LVRN: variants seen among roughly 807,000 people sequenced by gnomAD.
LVRN encodes aminopeptidase Q.
In LVRN, 99 loss-of-function variants were observed where a neutral mutation model predicts 111.4. The observed-to-expected ratio is 0.89, with a 90% CI of 0.76 to 1.05. The LOEUF (loss-of-function observed/expected upper bound fraction) is 1.05. Among genes scored for constraint, LVRN ranks in the 50% least tolerant of loss-of-function variants. The pLI, the probability that LVRN is intolerant of heterozygous loss-of-function variation, is 0.00. For missense variants in LVRN, 1,414 were observed against 1,206.8 expected (o/e 1.17, Z -2.54); for synonymous variants, 488 against 449.5 (o/e 1.09, Z -1.08).
intron 18 of LVRN, among the ~76,000 whole-genome samples, chr5:116,017,140 A>G (rs564409382): frequency 1.3e-5 from 2 of 152,276 alleles, no homozygotes; most frequent in East Asian, 3.9e-4. Context: ...TCCTCCTTCT[A>G]CCTGGAGGAC....
intron 18 of LVRN, among the ~76,000 whole-genome samples, chr5:116,016,067 T>C (rs1434300076): frequency 6.6e-6 from 1 of 152,260 alleles, no homozygotes; most frequent in African/African-American, 2.4e-5. Flanking sequence ...AGTTCACTTT[T>C]CTTGCAATTC....
chr5:116,022,486 T>C lies in LVRN; in HGVS notation c.2832+20T>C. 6.8e-7 allele frequency: 1 copy of C among 1,475,352 alleles called. No homozygotes were observed. Among genetic ancestry groups the C allele is most frequent in the Non-Finnish European group, 9.3e-7 (1 of 1,079,236 alleles). 91.4% of individuals were successfully genotyped at this position (1,475,352 alleles called of 1,614,324 possible). A position where few individuals can be genotyped will look rare whatever the true frequency, so the allele number is the denominator to read the frequency against. ...GTGGAGGTAAGTACTTTAAATATTATGAAATACAATGATAATTTGGAAACC... is the reference window on the plus strand; with the variant it reads ...GTGGAGGTAAGTACTTTAAATATTACGAAATACAATGATAATTTGGAAACC... On this transcript the variant is annotated intron_variant, in intron 19 of 19. Coordinates refer to ENST00000357872, the MANE Select transcript of LVRN (RefSeq NM_173800.5).
At chr5:115,989,636 G>A (rs1397861071) in intron 4 of LVRN, among the ~76,000 whole-genome samples, 1 of 152,126 alleles carries the variant, frequency 6.6e-6, no homozygotes, top group Non-Finnish European at 1.5e-5. Flanking sequence ...TTGTGGGATG[G>A]AGGAAATAAA....
chr5:116,010,401 C>A (rs758179496), intron 13 of LVRN: 6 of 371,156 alleles, frequency 1.6e-5, no homozygotes, highest in Non-Finnish European at 3.2e-5. Flanking sequence ...TAGAGAATGA[C>A]TTCTAATTAA....
chr5:115,984,724 T>C lies in LVRN; in HGVS notation c.978+15T>C. 5 of 1,613,056 alleles carry C rather than the reference T, an allele frequency of 3.1e-6. No individual in the cohort carries two copies. The highest frequency in any genetic ancestry group is 4.2e-6 in the Non-Finnish European group (5 of 1,179,488). ...GGGGCAAGGAGGTGAGTGAGGAAGATTCTGTAGGTAAGGGAGATTGTACTG... is the reference window on the plus strand; with the variant it reads ...GGGGCAAGGAGGTGAGTGAGGAAGACTCTGTAGGTAAGGGAGATTGTACTG... On this transcript the variant is annotated intron_variant, in intron 3 of 19. Transcript: ENST00000357872.
rs759467344 is a variant in LVRN, at chr5:116,025,902, A to G, written c.2833-76A>G. On this transcript the variant is annotated intron_variant, in intron 19 of 19. Coordinates refer to ENST00000357872, the MANE Select transcript of LVRN (RefSeq NM_173800.5). ...CACCAATTTACAAACTCATGTTGCT[A>G]CTTAGCATTTAGACATTTACTTTGT... 2.3e-4 allele frequency: 365 copies of G among 1,567,058 alleles called. 1 individual carries two copies. The highest frequency in any genetic ancestry group is 2.9e-4 in the Non-Finnish European group (339 of 1,155,348).
chr5:115,975,312 C>T, intron 1 of LVRN: 1 of 320,480 alleles, frequency 3.1e-6, no homozygotes, highest in South Asian at 3.4e-5. Flanking sequence ...TATTCATTTG[C>T]AGATCATCCA....
intron 14 of LVRN, among the ~76,000 whole-genome samples, chr5:116,011,368 C>G (rs115561226): frequency 0.018 from 2,649 of 151,328 alleles, 34 homozygotes; most frequent in Non-Finnish European, 0.027. Context: ...TTTGAAGATG[C>G]TTTTGATATT....
intron 12 of LVRN, among the ~76,000 whole-genome samples, chr5:116,005,331 A>G (rs7717144): frequency 0.43 from 64,829 of 152,054 alleles, 15,035 homozygotes; most frequent in African/African-American, 0.61. Flanking sequence ...TGACAGCAGA[A>G]TCCTGTGGCC....
chr5:115,975,255 T>A, intron 1 of LVRN: 1 of 434,318 alleles, frequency 2.3e-6, no homozygotes, highest in South Asian at 1.9e-5. Flanking sequence ...GCATATTGTC[T>A]GCTTTATCTA....
chr5:115,978,140 TA>T (rs1342476952), intron 1 of LVRN, among the ~76,000 whole-genome samples: 3 of 152,142 alleles, frequency 2.0e-5, no homozygotes. Flanking sequence ...GTGATTAGGG[TA>T]TGACACACAA....
intron 1 of LVRN, among the ~76,000 whole-genome samples, chr5:115,980,526 GT>G (rs1278714035): frequency 6.6e-6 from 1 of 152,102 alleles, no homozygotes; most frequent in Non-Finnish European, 1.5e-5. Flanking sequence ...TGCTGAAGTG[GT>G]GACTCTTTAA....
rs1270590338 is a variant in LVRN, at chr5:116,025,382, A to G, written c.2833-596A>G. 2.6e-5 allele frequency among the ~76,000 whole-genome samples: 4 copies of G among 152,316 alleles called. No individual in the cohort carries two copies. In the South Asian group the frequency reaches 8.3e-4, roughly 32 times the overall value. On this transcript the variant is annotated intron_variant, in intron 19 of 19. Transcript: ENST00000357872. The stretch of plus-strand genomic sequence containing the variant: ...ACAAAAAGAGACTCGGTAAAATGAA[A>G]ATTGAAAAAACTTATAACTTATTTA...
At chr5:115,982,494 G>C (rs6594926) in intron 1 of LVRN, among the ~76,000 whole-genome samples, 11,049 of 152,172 alleles carry the variant, frequency 0.073, 509 homozygotes, top group African/African-American at 0.13. Context: ...TTGGCAAATG[G>C]GATAATGAGA....
At chr5:116,007,621 T>C (rs12654640) in intron 13 of LVRN, among the ~76,000 whole-genome samples, 17,394 of 152,228 alleles carry the variant, frequency 0.11, 1,126 homozygotes, top group East Asian at 0.31. Context: ...CATCTCTTCA[T>C]TGAAGCTCCT....
chr5:115,967,266 G>A (rs982583351), intron 1 of LVRN, among the ~76,000 whole-genome samples: 7 of 152,252 alleles, frequency 4.6e-5, no homozygotes, highest in South Asian at 4.1e-4. Context: ...GTTGTCTTCC[G>A]AAAGTGTTTT....
In LVRN at chr5:116,012,370, A is replaced by T. The variant is rs1748508563; in HGVS notation, c.2248-4A>T. The T allele has an allele frequency of 2.8e-6, 4 of 1,408,902 alleles. No individual in the cohort carries two copies. In the Admixed American group the frequency reaches 7.5e-5, roughly 27 times the overall value. The allele number at this position is 1,408,902 out of a possible 1,614,324, so 87.3% of individuals were successfully genotyped here. A position where few individuals can be genotyped will look rare whatever the true frequency, so the allele number is the denominator to read the frequency against. On this transcript the variant is annotated splice_region_variant and splice_polypyrimidine_tract_variant and intron_variant, in intron 14 of 19. Transcript: ENST00000357872. The stretch of plus-strand genomic sequence containing the variant: ...TAACAGTGTATTTTCTTTATTGTTT[A>T]TAGAGGTACCTATTAAAGAGACTTA...
At chr5:116,000,529 G>A in intron 8 of LVRN, 31 bp downstream of exon 8, 40 of 1,612,926 alleles carry the variant, frequency 2.5e-5, no homozygotes, top group Non-Finnish European at 3.4e-5. Context: ...TTACCTGGAT[G>A]GCAGTAAACA....
At chr5:115,999,715 T>C in intron 6 of LVRN, 47 bp from the exon 7 acceptor site, 1 of 1,596,116 alleles carries the variant, frequency 6.3e-7, no homozygotes, top group Non-Finnish European at 8.5e-7. Flanking sequence ...ATTTTGGTCT[T>C]CTGTGACACC....
Sources: allele counts gnomAD v4.1 joint callset (sites outside exome capture counted in the v4.1 genomes callset), GRCh38; gene constraint gnomAD v4.1.1; transcripts MANE v1.5; gene names NCBI Gene and HGNC (gene_info 2026-07-23, HGNC 2026-07-21).